Variants in SLFN12L observed in about 807,000 individuals in gnomAD.
SLFN12L encodes schlafen family member 12 like.
SLFN12L carries 34 observed loss-of-function variants against 34.8 expected under a neutral mutation model. The observed-to-expected ratio is 0.98, with a 90% CI of 0.74 to 1.30. The LOEUF (loss-of-function observed/expected upper bound fraction) is 1.30. SLFN12L is among the 50% of genes most tolerant of loss of function. The probability of loss-of-function intolerance (pLI) is 0.00; values close to 1 mark genes in which losing one functional copy is unlikely to be tolerated. For synonymous variants in SLFN12L, 259 were observed against 247.5 expected (o/e 1.05, Z -0.44); for missense variants, 703 against 696.2 (o/e 1.01, Z -0.11).
intron 2 of SLFN12L, among the ~76,000 whole-genome samples, chr17:35,521,773 C>T (rs1916003091): frequency 1.3e-5 from 2 of 152,268 alleles, no homozygotes; most frequent in South Asian, 2.1e-4. Context: ...ACTCAGGAAG[C>T]TGAGGTGAGA....
intron 1 of SLFN12L, among the ~76,000 whole-genome samples, chr17:35,536,882 C>G (rs999553857): frequency 3.1e-4 from 47 of 151,408 alleles, no homozygotes; most frequent in African/African-American, 8.7e-4. Context: ...GCTAAAGAAT[C>G]TTCACAGGCG....
At position 35,466,884 on chromosome 17, in the gene SLFN12L, C is replaced by T. The variant is rs932448675; in HGVS notation, c.*8039G>A. ...CACAAATGACTAGCTCCATACTGGGCTCTCCTGGACATAGAGGCTTTCACA... is the reference window on the plus strand; with the variant it reads ...CACAAATGACTAGCTCCATACTGGGTTCTCCTGGACATAGAGGCTTTCACA... On this transcript the variant is annotated 3_prime_UTR_variant, in exon 5 of 5. Coordinates refer to ENST00000628453, the MANE Select transcript of SLFN12L (RefSeq NM_001363830.2). Among the ~76,000 whole-genome samples the T allele has an allele frequency of 6.6e-6, 1 of 152,188 alleles. No homozygotes were observed. The highest frequency in any genetic ancestry group is 2.4e-5 in the African/African-American group (1 of 41,432).
At chr17:35,508,225 GC>G (rs1284159399) in intron 2 of SLFN12L, among the ~76,000 whole-genome samples, 5 of 152,332 alleles carry the variant, frequency 3.3e-5, no homozygotes, top group African/African-American at 9.6e-5. Context: ...AGAGCTGTAA[GC>G]CCTTAAAAGG....
rs566539739 is a variant in SLFN12L at position 35,473,316 on chromosome 17, A to G, written c.*1607T>C. On this transcript the variant is annotated 3_prime_UTR_variant, in exon 5 of 5. Transcript: ENST00000628453. ...CATGAATAGCTCTTATTGTTTTGAG[A>G]TATGTTTCATCAATACCCAGTTTAT... Among the ~76,000 whole-genome samples, 6 of 152,172 alleles carry G rather than the reference A, an allele frequency of 3.9e-5. No individual in the cohort carries two copies. Among genetic ancestry groups the G allele is most frequent in the Admixed American group, 1.3e-4 (2 of 15,278 alleles).
Position 35,465,834 on chromosome 17 carries a change from A to G in SLFN12L, c.*9089T>C, listed in dbSNP as rs766757093. 8.6e-5 allele frequency among the ~76,000 whole-genome samples: 13 copies of G among 151,030 alleles called. No individual in the cohort carries two copies. The highest frequency in any genetic ancestry group is 1.2e-4 in the African/African-American group (5 of 40,976). Reference sequence around the variant, plus strand: ...TACTCTGTTCTTACAGACTTGGCTAATATGTTCAATATGTTCAATTCCGTG... The same window carrying G: ...TACTCTGTTCTTACAGACTTGGCTAGTATGTTCAATATGTTCAATTCCGTG... On this transcript the variant is annotated 3_prime_UTR_variant, in exon 5 of 5. Coordinates refer to ENST00000628453, the MANE Select transcript of SLFN12L (RefSeq NM_001363830.2).
At chr17:35,519,019 T>G (rs1915922239) in intron 2 of SLFN12L, among the ~76,000 whole-genome samples, 1 of 152,186 alleles carries the variant, frequency 6.6e-6, no homozygotes, top group South Asian at 2.1e-4. Context: ...TAAAAAAGAA[T>G]GAGTTCATGT....
At chr17:35,510,801 G>T (rs917924893) in intron 2 of SLFN12L, among the ~76,000 whole-genome samples, 1 of 148,348 alleles carries the variant, frequency 6.7e-6, no homozygotes, top group African/African-American at 2.5e-5. Flanking sequence ...AATTTTCTCT[G>T]TTAATTATGC....
intron 2 of SLFN12L, chr17:35,490,780 C>T (rs371095074): frequency 6.7e-7 from 1 of 1,491,146 alleles, no homozygotes; most frequent in Non-Finnish European, 9.3e-7. Context: ...TGTGAAAGCC[C>T]CTCCAGAAAT....
chr17:35,483,523 T>G (rs567941378), intron 2 of SLFN12L, among the ~76,000 whole-genome samples: 4 of 152,338 alleles, frequency 2.6e-5, no homozygotes, highest in Admixed American at 6.5e-5. Context: ...ATGATGCTGG[T>G]ATCTTGATCT....
rs1317442149 is a variant in SLFN12L at position 35,509,594 on chromosome 17, T to C, written c.86+12685A>G. The stretch of plus-strand genomic sequence containing the variant: ...ATTAGTTACAGTAGTTGGTGTTTAA[T>C]GTTTCTCCAGTGAAAATTTGGACTT... On this transcript the variant is annotated intron_variant, in intron 2 of 4. Transcript: ENST00000628453. Among the ~76,000 whole-genome samples, 5 of 152,198 alleles carry C rather than the reference T, an allele frequency of 3.3e-5. No homozygotes were observed. The East Asian group carries it at 9.6e-4, about 29-fold the overall frequency.
At chr17:35,498,511 T>C (rs1915179433) in intron 2 of SLFN12L, 1 of 1,226,922 alleles carries the variant, frequency 8.2e-7, no homozygotes, top group Non-Finnish European at 1.2e-6. Flanking sequence ...CTTTATCCTC[T>C]CTTTGTCTGC....
chr17:35,476,638 G>A (rs1567642875), intron 4 of SLFN12L, among the ~76,000 whole-genome samples: 1 of 152,150 alleles, frequency 6.6e-6, no homozygotes, highest in Non-Finnish European at 1.5e-5. Context: ...TCCCAGCCAA[G>A]TAGAAGGGTC....
chr17:35,482,261 T>A (rs1914373219), intron 2 of SLFN12L, among the ~76,000 whole-genome samples: 1 of 152,252 alleles, frequency 6.6e-6, no homozygotes, highest in Admixed American at 6.5e-5. Flanking sequence ...CCCAACATGA[T>A]GGGCGTTTGG....
intron 1 of SLFN12L, among the ~76,000 whole-genome samples, chr17:35,531,378 T>G (rs538624554): frequency 1.4e-4 from 21 of 152,324 alleles, no homozygotes; most frequent in African/African-American, 4.8e-4. Context: ...TCTTTCATGA[T>G]CTTACTCATA....
chr17:35,476,785 C>T (rs1299589325), intron 4 of SLFN12L, among the ~76,000 whole-genome samples: 3 of 98,186 alleles, frequency 3.1e-5, no homozygotes, highest in African/African-American at 8.2e-5. Flanking sequence ...GTTCTGTCTG[C>T]CAAAAAAAAA....
At position 35,473,582 on chromosome 17, in the gene SLFN12L, A is replaced by G. The variant is rs937608963; in HGVS notation, c.*1341T>C. ...TATTTTATTGATGATTTTTGCAATG[A>G]TGTTCATCAGGGATATTGGCCTGAA... On this transcript the variant is annotated 3_prime_UTR_variant, in exon 5 of 5. Coordinates refer to ENST00000628453, the MANE Select transcript of SLFN12L (RefSeq NM_001363830.2). 3 of 152,162 alleles carry G rather than the reference A, an allele frequency of 2.0e-5. No individual in the cohort carries two copies. The highest frequency in any genetic ancestry group is 7.2e-5 in the African/African-American group (3 of 41,434). The allele number at this position is 152,162 out of a possible 1,614,324, so 9.4% of individuals were successfully genotyped here. A position where few individuals can be genotyped will look rare whatever the true frequency, so the allele number is the denominator to read the frequency against.
Position 35,518,672 on chromosome 17 carries a change from G to A in SLFN12L, c.86+3607C>T, listed in dbSNP as rs1038997479. Reference sequence around the variant, plus strand: ...GATAGCATCTCACACCAGTTAGAATGACGATTATTAAAAAGTCAGAAAACA... The same window carrying A: ...GATAGCATCTCACACCAGTTAGAATAACGATTATTAAAAAGTCAGAAAACA... On this transcript the variant is annotated intron_variant, in intron 2 of 4. Transcript: ENST00000628453. Among the ~76,000 whole-genome samples, 9 of 152,116 alleles carry A rather than the reference G, an allele frequency of 5.9e-5. No individual in the cohort carries two copies. The South Asian group carries it at 8.3e-4, about 14-fold the overall frequency.
chr17:35,497,992 T>C (rs1037569063), intron 2 of SLFN12L, among the ~76,000 whole-genome samples: 1 of 152,188 alleles, frequency 6.6e-6, no homozygotes, highest in Non-Finnish European at 1.5e-5. Context: ...GAGACCAGCC[T>C]GTACAACATA....
At position 35,475,320 on chromosome 17, in the gene SLFN12L, T is replaced by C. The variant is rs767306210; in HGVS notation, c.1442A>G (p.His481Arg). The part of the protein sequence containing the change: ...WSLDLGLQEN[H>R]KVLCDALLIS... ...CAGAAGAGCATCACAGAGGACTTTGTGGTTCTCTTGCAAGCCCAGATCCAA... is the reference window on the plus strand; with the variant it reads ...CAGAAGAGCATCACAGAGGACTTTGCGGTTCTCTTGCAAGCCCAGATCCAA... The change falls in exon 5 of 5, where the codon CAC (histidine) becomes CGC (arginine). Residue 481 changes from histidine to arginine, a missense_variant. Physicochemically the swap from His to Arg is conservative, Grantham distance 29. Coordinates refer to ENST00000628453, the MANE Select transcript of SLFN12L (RefSeq NM_001363830.2). 49 of 1,614,112 alleles carry C rather than the reference T, an allele frequency of 3.0e-5. No homozygotes were observed. The Middle Eastern group carries it at 1.6e-3, about 54-fold the overall frequency.
Sources: gnomAD v4.1 joint callset for allele counts (sites outside exome capture counted in the v4.1 genomes callset) on GRCh38, gnomAD v4.1.1 for gene constraint, MANE v1.5 for transcripts, NCBI Gene and HGNC (gene_info 2026-07-23, HGNC 2026-07-21) for gene names.